Variants in ERICH3 observed in about 807,000 individuals in gnomAD.
ERICH3 encodes the protein glutamate rich 3.
ERICH3 carries 126 observed loss-of-function variants against 131.1 expected under a neutral mutation model. The observed-to-expected ratio is 0.96, with a 90% CI of 0.83 to 1.11. ERICH3 has a LOEUF of 1.11. ERICH3 is among the 50% of genes most tolerant of loss of function. The pLI, the probability that ERICH3 is intolerant of heterozygous loss-of-function variation, is 0.00. For synonymous variants in ERICH3, 695 were observed against 644.6 expected, an observed-to-expected ratio of 1.08 and a Z score of -1.18; for missense variants, 2,050 against 1,810.7, an observed-to-expected ratio of 1.13 and a Z score of -2.40.
rs772215438 is a variant in ERICH3 at position 74,589,645 on chromosome 1, C to A, written c.2162G>T (p.Gly721Val). 1.8e-5 allele frequency: 29 copies of A among 1,613,720 alleles called. No individual in the cohort carries two copies. The highest frequency in any genetic ancestry group is 2.4e-5 in the Non-Finnish European group (28 of 1,179,842). Residue 721 changes from glycine (G) to valine (V), a missense_variant, in exon 12 of 15, where the codon GGG (glycine) becomes GTG (valine). Physicochemically the swap from Gly to Val is moderately radical, Grantham distance 109 (BLOSUM62 -3). Transcript: ENST00000326665. ...QVKDKKAGLP[G>V]LEEGGKDSLP... ...GCCATACTTACCACCTTCCTCCAAC[C>A]CAGGGAGACCTGCCTTTTTGTCCTT...
intron 13 of ERICH3, 94 bp downstream of exon 13, chr1:74,576,801 T>C: frequency 1.8e-6 from 2 of 1,090,570 alleles, no homozygotes; most frequent in Admixed American, 2.3e-5. Context: ...CTAGAAAGCC[T>C]AGTGATTTCA....
chr1:74,589,892 A>T lies in ERICH3; in HGVS notation c.1915T>A (p.Ser639Thr). 1 of 1,613,952 alleles carries T rather than the reference A, an allele frequency of 6.2e-7. No homozygotes were observed. The highest frequency in any genetic ancestry group is 8.5e-7 in the Non-Finnish European group (1 of 1,179,944). Residue 639 changes from serine (S) to threonine (T), a missense_variant, in exon 12 of 15, where the codon TCC becomes ACC. By Grantham distance (58) the Ser-to-Thr change is moderately conservative (BLOSUM62 1). Coordinates refer to ENST00000326665, the MANE Select transcript of ERICH3 (RefSeq NM_001002912.5). ...PRKSHLPIEESLEIEIEDQEI... is the reference protein window; with the variant it reads ...PRKSHLPIEETLEIEIEDQEI... The stretch of plus-strand genomic sequence containing the variant: ...TGGTCTTCAATTTCAATTTCTAAGG[A>T]TTCCTCAATTGGAAGGTGAGACTTT...
At chr1:74,634,646 TA>T (rs1418730705) in intron 6 of ERICH3, 9 of 714,510 alleles carry the variant, frequency 1.3e-5, no homozygotes, top group African/African-American at 3.5e-5. Context: ...TTATGGAACT[TA>T]AAAAATAATA....
chr1:74,658,199 A>G (rs532186751), intron 1 of ERICH3, among the ~76,000 whole-genome samples: 8 of 152,270 alleles, frequency 5.3e-5, no homozygotes, highest in Admixed American at 5.2e-4. Flanking sequence ...AATGTTCTCT[A>G]TGAGGTATTC....
rs1449265742 is a variant in ERICH3 at position 74,569,182 on chromosome 1, T to C, written c.*1276A>G. 1 of 152,052 alleles carries C rather than the reference T, an allele frequency of 6.6e-6. No individual in the cohort carries two copies. The allele number at this position is 152,052 out of a possible 1,614,324, so 9.4% of individuals were successfully genotyped here. On this transcript the variant is annotated 3_prime_UTR_variant, in exon 15 of 15. Coordinates refer to ENST00000326665, the MANE Select transcript of ERICH3 (RefSeq NM_001002912.5). ...CTACAGAGAAGAATCAAGTGAAAAGTTAAAAATATATATATACTGATGTGT... is the reference window on the plus strand; with the variant it reads ...CTACAGAGAAGAATCAAGTGAAAAGCTAAAAATATATATATACTGATGTGT...
chr1:74,633,509 C>T (rs552232546), intron 6 of ERICH3, among the ~76,000 whole-genome samples: 2 of 151,904 alleles, frequency 1.3e-5, no homozygotes, highest in South Asian at 4.2e-4. Context: ...AATTACATGC[C>T]TTCTTTGGAA....
At chr1:74,586,287 G>T in intron 12 of ERICH3, 1 of 649,636 alleles carries the variant, frequency 1.5e-6, no homozygotes, top group Non-Finnish European at 1.9e-6. Context: ...AGAACAAAAT[G>T]TATAGTATGT....
At chr1:74,590,723 G>C (rs1214517086) in intron 11 of ERICH3, among the ~76,000 whole-genome samples, 1 of 152,126 alleles carries the variant, frequency 6.6e-6, no homozygotes, top group Non-Finnish European at 1.5e-5. Context: ...ATAGGCCATG[G>C]ACCCTGTACC....
chr1:74,669,973 C>G (rs932315162), intron 1 of ERICH3, among the ~76,000 whole-genome samples: 7 of 152,168 alleles, frequency 4.6e-5, no homozygotes, highest in African/African-American at 1.7e-4. Flanking sequence ...AAAGCCTTCT[C>G]AGCTTTAATG....
At chr1:74,589,485 A>G in intron 12 of ERICH3, 146 bp downstream of exon 12, 2 of 754,122 alleles carry the variant, frequency 2.7e-6, no homozygotes, top group Non-Finnish European at 2.2e-6. Context: ...ATGTATGATT[A>G]TGTGACAAAG....
chr1:74,587,512 C>T (rs61778100), intron 12 of ERICH3, among the ~76,000 whole-genome samples: 8 of 151,782 alleles, frequency 5.3e-5, no homozygotes, highest in Non-Finnish European at 1.0e-4. Context: ...TTTCATTTTA[C>T]AAACCCAGAG....
chr1:74,614,726 G>C (rs990201747), intron 8 of ERICH3, among the ~76,000 whole-genome samples: 1 of 149,898 alleles, frequency 6.7e-6, no homozygotes, highest in Non-Finnish European at 1.5e-5. Flanking sequence ...CTAAAGAACA[G>C]ACTTATTAAA....
intron 10 of ERICH3, 129 bp downstream of exon 10, chr1:74,606,470 GTC>G: frequency 1.1e-6 from 1 of 915,216 alleles, no homozygotes; most frequent in Non-Finnish European, 1.6e-6. Flanking sequence ...AAGGAAGGAG[GTC>G]AGGGGCACCC....
intron 12 of ERICH3, among the ~76,000 whole-genome samples, chr1:74,578,746 C>A (rs967217489): frequency 6.7e-6 from 1 of 150,104 alleles, no homozygotes; most frequent in Non-Finnish European, 1.5e-5. Flanking sequence ...TCTGTTACAA[C>A]GGATATAACG....
Position 74,599,781 on chromosome 1 carries a change from G to A in ERICH3, c.1640C>T (p.Ser547Leu), listed in dbSNP as rs1422321327. Reference protein sequence around the residue: ...NLDPEKESETSSQKAPDARDN... With the variant: ...NLDPEKESETLSQKAPDARDN... ...ACGGGCATCTGGTGCCTTCTGTGAT[G>A]AGGTTTCACTCTCTTTTTCAGGGTC... is the stretch of plus-strand genomic sequence containing the variant. The change falls in exon 11 of 15, where the codon TCA becomes TTA. Residue 547 changes from serine (S) to leucine (L), a missense_variant. By Grantham distance (145) the Ser-to-Leu change is moderately radical. Transcript: ENST00000326665. 1.9e-6 allele frequency: 3 copies of A among 1,612,350 alleles called. No homozygotes were observed. Among genetic ancestry groups the A allele is most frequent in the Admixed American group, 3.3e-5 (2 of 59,828 alleles).
intron 10 of ERICH3, among the ~76,000 whole-genome samples, chr1:74,602,732 C>T (rs1648200991): frequency 6.6e-6 from 1 of 151,780 alleles, no homozygotes; most frequent in Admixed American, 6.6e-5. Context: ...TCACTCATAG[C>T]ACTAGTTATG....
Position 74,573,235 on chromosome 1 carries a change from A to T in ERICH3, c.2475T>A (p.Phe825Leu). 6.2e-7 allele frequency: 1 copy of T among 1,606,630 alleles called. No homozygotes were observed. The highest frequency in any genetic ancestry group is 8.5e-7 in the Non-Finnish European group (1 of 1,176,836). The stretch of plus-strand genomic sequence containing the variant: ...CTGGAGGGATCTCCCTTTTTTCTGT[A>T]AACTCTTCTGCCAATTCTGGCTGCT... ...TAEQPELAEEFTEKREIPPGI... is the reference protein window; with the variant it reads ...TAEQPELAEELTEKREIPPGI... Residue 825 changes from phenylalanine (F) to leucine (L), a missense_variant, in exon 14 of 15, where the codon TTT (phenylalanine) becomes TTA (leucine). By Grantham distance (22) the Phe-to-Leu change is conservative. Transcript: ENST00000326665.
rs768153309 is a variant in ERICH3 at position 74,573,426 on chromosome 1, A to G, written c.2284T>C (p.Leu762=). Residue 762 remains leucine (L), a synonymous_variant, in exon 14 of 15, where the codon TTG becomes CTG. Coordinates refer to ENST00000326665, the MANE Select transcript of ERICH3 (RefSeq NM_001002912.5). ...TCCAGTGTATACGTTTTTTGCACCA[A>G]TTGCTGGGATTCCTTGTTTGAGTTG... is the stretch of plus-strand genomic sequence containing the variant. ...AINSNKESQQ[L]VQKTYTLEKK... is the part of the protein sequence containing the mutation. 7 of 1,567,474 alleles carry G rather than the reference A, an allele frequency of 4.5e-6. No individual in the cohort carries two copies. The highest frequency in any genetic ancestry group is 1.2e-5 in the South Asian group (1 of 82,548).
At chr1:74,643,223 G>A (rs1646451853) in intron 3 of ERICH3, 125 bp from the exon 4 acceptor site, 2 of 644,096 alleles carry the variant, frequency 3.1e-6, no homozygotes, top group Non-Finnish European at 5.3e-6. Flanking sequence ...AGATGGAGAA[G>A]AATCATCTGC....
Sources: gnomAD v4.1 joint callset for allele counts (sites outside exome capture counted in the v4.1 genomes callset) on GRCh38, gnomAD v4.1.1 for gene constraint, MANE v1.5 for transcripts, NCBI Gene and HGNC (gene_info 2026-07-23, HGNC 2026-07-21) for gene names.